HDAC4: variants seen among roughly 807,000 people sequenced by gnomAD.
HDAC4 encodes histone deacetylase 4.
HDAC4 carries 16 observed loss-of-function variants against 135.1 expected under a neutral mutation model. That is an observed-to-expected ratio of 0.12 (90% CI 0.08 to 0.18). The LOEUF is 0.18. HDAC4 is among the 10% of genes least tolerant of loss of function. The pLI, the probability that HDAC4 is intolerant of heterozygous loss-of-function variation, is 1.00. For synonymous variants in HDAC4, 685 were observed against 653.4 expected (o/e 1.05, Z -0.74); for missense variants, 1,143 against 1,511.8 (o/e 0.76, Z 4.05).
Position 239,197,847 on chromosome 2 carries a change from TTGTGTGTGTG to T in HDAC4, c.95-7780_95-7771del, listed in dbSNP as rs368801140. On this transcript the variant is annotated intron_variant, in intron 3 of 26. Transcript: ENST00000543185. ...ATAGTAATGATAGCTCACTAAAAGT[TTGTGTGTGTG>T]TGTGTGTGTGTGTGTGTGTGTGTGT... Among the ~76,000 whole-genome samples, 733 of 140,216 alleles carry T rather than the reference TTGTGTGTGTG, an allele frequency of 5.2e-3. 4 individuals carry two copies. Among genetic ancestry groups the T allele is most frequent in the Middle Eastern group, 0.015 (4 of 272 alleles). The allele number at this position is 140,216 out of a possible 152,430, so 92.0% of individuals were successfully genotyped here. A position where few individuals can be genotyped will look rare whatever the true frequency, so the allele number is the denominator to read the frequency against.
intron 7 of HDAC4, among the ~76,000 whole-genome samples, chr2:239,152,695 T>A (rs936256506): frequency 2.0e-5 from 3 of 152,156 alleles, no homozygotes; most frequent in African/African-American, 7.2e-5. Flanking sequence ...AATCTTGGTG[T>A]TCCCATCCTT....
chr2:239,377,929 C>T (rs1382168930), intron 1 of HDAC4, among the ~76,000 whole-genome samples: 1 of 152,150 alleles, frequency 6.6e-6, no homozygotes, highest in African/African-American at 2.4e-5. Context: ...TTTACACCCA[C>T]CTCAAGGACC....
Position 239,108,236 on chromosome 2 carries a change from C to T in HDAC4, c.1979-53G>A, listed in dbSNP as rs891409337. On this transcript the variant is annotated intron_variant, in intron 14 of 26. Coordinates refer to ENST00000543185, the MANE Select transcript of HDAC4 (RefSeq NM_001378414.1). The stretch of plus-strand genomic sequence containing the variant: ...AGCGCACATCCAGGGGCGAGCCGAC[C>T]ACCCACTGGCAGGCTGCCCCCGGGT... The T allele has an allele frequency of 8.2e-5, 127 of 1,557,888 alleles. 1 individual carries two copies. The Middle Eastern group carries it at 2.0e-3, about 24-fold the overall frequency.
At chr2:239,220,201 A>C (rs573673980) in intron 3 of HDAC4, among the ~76,000 whole-genome samples, 1 of 152,366 alleles carries the variant, frequency 6.6e-6, no homozygotes, top group African/African-American at 2.4e-5. Context: ...CATGGGAAAA[A>C]TGAGTCTCTT....
chr2:239,356,276 G>C (rs1036053898), intron 1 of HDAC4, among the ~76,000 whole-genome samples: 1 of 152,172 alleles, frequency 6.6e-6, no homozygotes, highest in Non-Finnish European at 1.5e-5. Context: ...AAGCATCTAA[G>C]TTGCAGAACT....
intron 2 of HDAC4, among the ~76,000 whole-genome samples, chr2:239,290,745 C>T (rs1298570923): frequency 3.9e-5 from 6 of 152,216 alleles, no homozygotes; most frequent in South Asian, 2.1e-4. Context: ...CACACGCGCA[C>T]GCACTCACAC....
chr2:239,094,894 T>A (rs2036864791), intron 17 of HDAC4, 116 bp downstream of exon 17: 3 of 1,599,710 alleles, frequency 1.9e-6, no homozygotes, highest in Admixed American at 3.4e-5. Flanking sequence ...AGCCCCTGCG[T>A]ATGGAAAACA....
rs781200720 is a variant in HDAC4, at chr2:239,051,061, C to G, written c.*2036G>C. The G allele has an allele frequency of 6.6e-6, 1 of 152,616 alleles. No homozygotes were observed. The highest frequency in any genetic ancestry group is 6.5e-5 in the Admixed American group (1 of 15,280). 9.5% of individuals were successfully genotyped at this position (152,616 alleles called of 1,614,324 possible). A position where few individuals can be genotyped will look rare whatever the true frequency, so the allele number is the denominator to read the frequency against. ...AACTCAAGTTAGAATTCTATCCTGACGATGTGGTCAGAGAAGTTTAAACAT... is the reference window on the plus strand; with the variant it reads ...AACTCAAGTTAGAATTCTATCCTGAGGATGTGGTCAGAGAAGTTTAAACAT... On this transcript the variant is annotated 3_prime_UTR_variant, in exon 27 of 27. Transcript: ENST00000543185.
chr2:239,273,577 G>A (rs576003637), intron 2 of HDAC4, among the ~76,000 whole-genome samples: 7 of 152,260 alleles, frequency 4.6e-5, no homozygotes, highest in African/African-American at 1.2e-4. Flanking sequence ...TTCAGGACCC[G>A]CTCATCACCC....
chr2:239,110,867 C>T (rs945634995), intron 14 of HDAC4, among the ~76,000 whole-genome samples: 4 of 152,242 alleles, frequency 2.6e-5, no homozygotes, highest in African/African-American at 4.8e-5. Context: ...GTCTCCTCCC[C>T]GGCTCTGGCT....
chr2:239,144,476 G>T, intron 8 of HDAC4, 107 bp downstream of exon 8: 3 of 1,426,462 alleles, frequency 2.1e-6, no homozygotes, highest in Non-Finnish European at 3.0e-6. Context: ...GGTTGACAGC[G>T]TGAGGCAGAC....
chr2:239,087,444 G>C (rs1424334048), intron 19 of HDAC4, 115 bp downstream of exon 19: 1 of 1,005,670 alleles, frequency 9.9e-7, no homozygotes, highest in Non-Finnish European at 1.5e-6. Context: ...CACATCCTGG[G>C]TGGCCAGCAA....
chr2:239,324,750 T>C (rs2053420381), intron 2 of HDAC4, among the ~76,000 whole-genome samples: 1 of 152,202 alleles, frequency 6.6e-6, no homozygotes, highest in Non-Finnish European at 1.5e-5. Flanking sequence ...TCGCCATCCC[T>C]TGGAGAGGCC....
chr2:239,346,543 A>G (rs899152005), intron 2 of HDAC4, among the ~76,000 whole-genome samples: 18 of 126,524 alleles, frequency 1.4e-4, no homozygotes, highest in African/African-American at 5.0e-4. Flanking sequence ...CCTAAAACAC[A>G]CAAACACACC....
intron 22 of HDAC4, among the ~76,000 whole-genome samples, chr2:239,078,693 C>T (rs936668915): frequency 3.9e-5 from 6 of 152,316 alleles, no homozygotes; most frequent in East Asian, 3.9e-4. Context: ...CTGGCTGGGC[C>T]GGCCGGGGCC....
At chr2:239,206,897 A>G (rs1400853903) in intron 3 of HDAC4, among the ~76,000 whole-genome samples, 1 of 152,248 alleles carries the variant, frequency 6.6e-6, no homozygotes, top group Non-Finnish European at 1.5e-5. Flanking sequence ...TCATCAATGC[A>G]GTAAAAGAGT....
chr2:239,079,317 G>A (rs2035066779), intron 22 of HDAC4, among the ~76,000 whole-genome samples: 1 of 152,232 alleles, frequency 6.6e-6, no homozygotes, highest in Non-Finnish European at 1.5e-5. Context: ...GGGGAAAAGT[G>A]GTTCAGGTAC....
At chr2:239,382,494 C>T (rs1308360143) in intron 1 of HDAC4, among the ~76,000 whole-genome samples, 2 of 152,232 alleles carry the variant, frequency 1.3e-5, no homozygotes, top group Admixed American at 6.5e-5. Context: ...TACTTTGTGC[C>T]TTTCTGATCA....
chr2:239,060,034 G>C (rs185060413), intron 24 of HDAC4, among the ~76,000 whole-genome samples: 1 of 152,220 alleles, frequency 6.6e-6, no homozygotes, highest in Non-Finnish European at 1.5e-5. Flanking sequence ...TGAAGGACAC[G>C]GGCTGGCCAG....
Sources: allele counts gnomAD v4.1 joint callset (sites outside exome capture counted in the v4.1 genomes callset), GRCh38; gene constraint gnomAD v4.1.1; transcripts MANE v1.5; gene names NCBI Gene and HGNC (gene_info 2026-07-23, HGNC 2026-07-21).